Variants in PTPRM observed in about 807,000 individuals in gnomAD.
PTPRM encodes the protein receptor-type tyrosine-protein phosphatase mu.
PTPRM carries 47 observed loss-of-function variants against 186.7 expected under a neutral mutation model. The ratio of observed to expected loss-of-function variants is 0.25; its 90% CI spans 0.20 to 0.32. PTPRM has a LOEUF of 0.32. Ranked by LOEUF, PTPRM falls within the 10% of genes least tolerant of loss-of-function variation. The pLI is 1.00. For missense variants in PTPRM, 1,494 were observed against 1,865.0 expected, an observed-to-expected ratio of 0.80 and a Z score of 3.66; for synonymous variants, 668 against 674.9, an observed-to-expected ratio of 0.99 and a Z score of 0.16.
intron 23 of PTPRM, among the ~76,000 whole-genome samples, chr18:8,349,492 A>C (rs1018807578): frequency 6.6e-6 from 1 of 152,158 alleles, no homozygotes; most frequent in African/African-American, 2.4e-5. Flanking sequence ...TGAATAATTT[A>C]TGCTCATTCA....
chr18:8,136,682 G>A (rs563090510), intron 13 of PTPRM, among the ~76,000 whole-genome samples: 1 of 152,174 alleles, frequency 6.6e-6, no homozygotes, highest in South Asian at 2.1e-4. Context: ...GATTATTCCA[G>A]GAATAGTGAT....
intron 2 of PTPRM, among the ~76,000 whole-genome samples, chr18:7,849,933 A>G (rs1436240536): frequency 6.6e-6 from 1 of 152,218 alleles, no homozygotes; most frequent in Non-Finnish European, 1.5e-5. Flanking sequence ...GTTTGCTAAC[A>G]TGTATTTGTA....
chr18:7,952,089 A>C (rs1206751973), intron 6 of PTPRM, among the ~76,000 whole-genome samples: 2 of 152,304 alleles, frequency 1.3e-5, no homozygotes, highest in Non-Finnish European at 2.9e-5. Flanking sequence ...GTATATATGC[A>C]TATATATATC....
At chr18:8,006,936 G>T (rs1341976249) in intron 7 of PTPRM, among the ~76,000 whole-genome samples, 8 of 152,064 alleles carry the variant, frequency 5.3e-5, no homozygotes, top group African/African-American at 9.7e-5. Flanking sequence ...ATATTATTTT[G>T]TTCTCAATAT....
intron 7 of PTPRM, among the ~76,000 whole-genome samples, chr18:7,990,090 G>C (rs1304127163): frequency 1.3e-5 from 2 of 152,114 alleles, no homozygotes; most frequent in African/African-American, 2.4e-5. Flanking sequence ...TTTTAGTTGA[G>C]ATAGAGTTTC....
At chr18:8,072,861 G>T (rs1457547107) in intron 8 of PTPRM, among the ~76,000 whole-genome samples, 1 of 151,242 alleles carries the variant, frequency 6.6e-6, no homozygotes, top group Non-Finnish European at 1.5e-5. Context: ...AAGTTACTAT[G>T]AGGTACTATC....
chr18:7,634,646 TG>T (rs2038270911), intron 1 of PTPRM, among the ~76,000 whole-genome samples: 1 of 152,250 alleles, frequency 6.6e-6, no homozygotes, highest in African/African-American at 2.4e-5. Flanking sequence ...ATTTCGCCTT[TG>T]TAAGTTATTT....
intron 19 of PTPRM, among the ~76,000 whole-genome samples, chr18:8,286,494 T>G (rs2094958724): frequency 6.6e-6 from 1 of 152,250 alleles, no homozygotes. Context: ...TAGAATCTCA[T>G]ATTTACTCTT....
intron 2 of PTPRM, among the ~76,000 whole-genome samples, chr18:7,875,022 G>A (rs1230505957): frequency 2.6e-5 from 4 of 151,944 alleles, no homozygotes; most frequent in African/African-American, 7.3e-5. Flanking sequence ...GTGAAACCCC[G>A]TCTCTACTAA....
intron 1 of PTPRM, among the ~76,000 whole-genome samples, chr18:7,602,420 T>C (rs1193821779): frequency 4.0e-5 from 6 of 150,960 alleles, no homozygotes; most frequent in Non-Finnish European, 7.4e-5. Flanking sequence ...GGAAGTTTGA[T>C]TGTGGCAATT....
At chr18:8,197,360 T>C (rs1191441697) in intron 14 of PTPRM, among the ~76,000 whole-genome samples, 1 of 152,228 alleles carries the variant, frequency 6.6e-6, no homozygotes, top group African/African-American at 2.4e-5. Flanking sequence ...CTCAGTTGAC[T>C]ATTACATACA....
intron 7 of PTPRM, among the ~76,000 whole-genome samples, chr18:8,031,224 G>A (rs2085946757): frequency 6.6e-6 from 1 of 152,164 alleles, no homozygotes; most frequent in African/African-American, 2.4e-5. Flanking sequence ...GATAACTGAT[G>A]TAACCTACTG....
chr18:8,141,409 T>A (rs918470527), intron 13 of PTPRM, among the ~76,000 whole-genome samples: 1 of 152,140 alleles, frequency 6.6e-6, no homozygotes, highest in African/African-American at 2.4e-5. Flanking sequence ...TGAAATGAGT[T>A]AAAAGTCAGT....
chr18:7,678,747 G>A lies in PTPRM; in HGVS notation c.74-95402G>A, dbSNP rs186216256. Among the ~76,000 whole-genome samples, 48 of 152,094 alleles carry A rather than the reference G, an allele frequency of 3.2e-4. No individual in the cohort carries two copies. In the South Asian group the frequency reaches 3.9e-3, roughly 13 times the overall value. On this transcript the variant is annotated intron_variant, in intron 1 of 32. Coordinates refer to ENST00000580170, the MANE Select transcript of PTPRM (RefSeq NM_001105244.2). ...TGGTCTGTACCTATTGATCTCCTTC[G>A]TTACCGTTACTTTTAATTGCAGCAT...
intron 11 of PTPRM, among the ~76,000 whole-genome samples, chr18:8,098,612 T>A (rs2091127949): frequency 6.6e-6 from 1 of 152,174 alleles, no homozygotes; most frequent in South Asian, 2.1e-4. Context: ...GCAATCTTTT[T>A]TTTTTAATAA....
At chr18:7,907,005 G>A (rs1310529620) in intron 4 of PTPRM, among the ~76,000 whole-genome samples, 1 of 152,124 alleles carries the variant, frequency 6.6e-6, no homozygotes, top group African/African-American at 2.4e-5. Flanking sequence ...GCTGCAAACA[G>A]GCCTGGGATC....
intron 14 of PTPRM, among the ~76,000 whole-genome samples, chr18:8,213,977 G>T (rs2094043133): frequency 6.6e-6 from 1 of 152,154 alleles, no homozygotes; most frequent in Non-Finnish European, 1.5e-5. Context: ...GATGGAGCTG[G>T]AAGCCATTAT....
intron 2 of PTPRM, among the ~76,000 whole-genome samples, chr18:7,872,811 C>T (rs1599197057): frequency 6.6e-6 from 1 of 152,156 alleles, no homozygotes; most frequent in Non-Finnish European, 1.5e-5. Context: ...TGTTTGTCTT[C>T]TCTTGGGTTG....
intron 1 of PTPRM, among the ~76,000 whole-genome samples, chr18:7,688,864 G>A (rs1191671379): frequency 1.3e-5 from 2 of 152,188 alleles, no homozygotes; most frequent in African/African-American, 4.8e-5. Flanking sequence ...GAAGGAGACA[G>A]TGCTCCTGGT....
Sources: gnomAD v4.1 joint callset for allele counts (sites outside exome capture counted in the v4.1 genomes callset) on GRCh38, gnomAD v4.1.1 for gene constraint, MANE v1.5 for transcripts, NCBI Gene and HGNC (gene_info 2026-07-23, HGNC 2026-07-21) for gene names.